Variants in SLC6A9 observed in about 807,000 individuals in gnomAD.
The protein encoded by SLC6A9 is sodium- and chloride-dependent glycine transporter 1.
In SLC6A9, 31 loss-of-function variants were observed where a neutral mutation model predicts 70.9. That is an observed-to-expected ratio of 0.44 (90% CI 0.33 to 0.59). The LOEUF is 0.59. Ranked by LOEUF, SLC6A9 falls within the 20% of genes least tolerant of loss-of-function variation. The pLI, the probability that SLC6A9 is intolerant of heterozygous loss-of-function variation, is 0.04. For missense variants in SLC6A9, 631 were observed against 845.2 expected, an observed-to-expected ratio of 0.75 and a Z score of 3.14; for synonymous variants, 310 against 341.3, an observed-to-expected ratio of 0.91 and a Z score of 1.01.
intron 5 of SLC6A9, among the ~76,000 whole-genome samples, chr1:44,006,802 T>C (rs2086335168): frequency 1.3e-5 from 2 of 152,138 alleles, no homozygotes; most frequent in Admixed American, 1.3e-4. Context: ...AGTGGCCCTG[T>C]CTTACCTGTC....
Position 44,010,835 on chromosome 1 carries a change from T to G in SLC6A9, c.78A>C (p.Lys26Asn). The change falls in exon 3 of 14, where the codon AAA becomes AAC. Residue 26 changes from lysine to asparagine, a missense_variant. Physicochemically the swap from Lys to Asn is moderately conservative, Grantham distance 94. Coordinates refer to ENST00000372310, the MANE Select transcript of SLC6A9 (RefSeq NM_001024845.3). ...SEATKRDQNLKRGNWGNQIEF... is the reference protein window; with the variant it reads ...SEATKRDQNLNRGNWGNQIEF... The stretch of plus-strand genomic sequence containing the variant: ...CGATCTGGTTGCCCCAGTTGCCCCG[T>G]TTGAGGTTCTGGTCCCTCTTGGTGG... 6.2e-7 allele frequency: 1 copy of G among 1,614,174 alleles called. No homozygotes were observed. The highest frequency in any genetic ancestry group is 8.5e-7 in the Non-Finnish European group (1 of 1,179,998).
At chr1:44,020,443 G>T (rs1300787720) in intron 2 of SLC6A9, among the ~76,000 whole-genome samples, 2 of 152,220 alleles carry the variant, frequency 1.3e-5, no homozygotes, top group African/African-American at 4.8e-5. Flanking sequence ...GCCCAGCTCT[G>T]AGCTGGGTGA....
intron 5 of SLC6A9, among the ~76,000 whole-genome samples, chr1:44,006,827 G>A (rs984551335): frequency 1.3e-5 from 2 of 152,170 alleles, no homozygotes; most frequent in Admixed American, 6.5e-5. Context: ...AGTGTCTACA[G>A]CCCAGCCCAG....
chr1:43,998,614 G>A (rs1295835170), intron 12 of SLC6A9, among the ~76,000 whole-genome samples: 5 of 152,158 alleles, frequency 3.3e-5, no homozygotes, highest in Non-Finnish European at 4.4e-5. Flanking sequence ...GAGTGACTTG[G>A]TTTAACGTTC....
rs188376799 is a variant in SLC6A9 at position 44,021,629 on chromosome 1, G to A, written c.30+2619C>T. 1.5e-4 allele frequency among the ~76,000 whole-genome samples: 23 copies of A among 152,342 alleles called. No individual in the cohort carries two copies. The East Asian group carries it at 4.4e-3, about 29-fold the overall frequency. ...CAAATAGAGCAGCAGAAGCCACGGA[G>A]AACTGGGATGGTCCAAGTGCATGGC... On this transcript the variant is annotated intron_variant, in intron 2 of 13. Coordinates refer to ENST00000372310, the MANE Select transcript of SLC6A9 (RefSeq NM_001024845.3).
chr1:44,009,321 G>A (rs148112158), intron 4 of SLC6A9, among the ~76,000 whole-genome samples: 7,492 of 151,528 alleles, frequency 0.049, 393 homozygotes, highest in African/African-American at 0.13. Flanking sequence ...CCGGGTTCAC[G>A]CCATTCTCCC....
intron 12 of SLC6A9, among the ~76,000 whole-genome samples, chr1:43,998,984 G>GGC (rs1034041020): frequency 1.8e-4 from 27 of 150,178 alleles, no homozygotes; most frequent in South Asian, 4.2e-4. Flanking sequence ...GCGGGGGAAG[G>GGC]GGGGGGGCAG....
In SLC6A9 at chr1:43,997,051, G is replaced by C. The variant is rs2085889376; in HGVS notation, c.*494C>G. 6.2e-6 allele frequency: 1 copy of C among 160,490 alleles called. No homozygotes were observed. Among genetic ancestry groups the C allele is most frequent in the African/African-American group, 2.4e-5 (1 of 41,518 alleles). The allele number at this position is 160,490 out of a possible 1,614,324, so 9.9% of individuals were successfully genotyped here. On this transcript the variant is annotated 3_prime_UTR_variant, in exon 14 of 14. Transcript: ENST00000372310. This position sits in a 1 kb window ranked among gnomAD's most constrained non-coding sequence, Gnocchi z 4.4. ...CAATGTTTACAAAAATAATTACACA[G>C]ATAAACAGGGCTGGGCAGCACAGCC...
Position 44,001,501 on chromosome 1 carries a change from G to A in SLC6A9, c.1089C>T (p.Gly363=), listed in dbSNP as rs1350801841. Residue 363 remains glycine (G), a synonymous_variant, in exon 9 of 14, where the codon GGC becomes GGT. Coordinates refer to ENST00000372310, the MANE Select transcript of SLC6A9 (RefSeq NM_001024845.3). ...GGTAAGCCACGAAGGCCAGGCCAGG[G>A]CCGTGGTCTGCCACACGGGACACAT... The part of the protein sequence containing the change: ...GVDVSRVADH[G]PGLAFVAYPE... 3 of 1,614,234 alleles carry A rather than the reference G, an allele frequency of 1.9e-6. No individual in the cohort carries two copies. The highest frequency in any genetic ancestry group is 1.1e-5 in the South Asian group (1 of 91,082).
intron 2 of SLC6A9, among the ~76,000 whole-genome samples, chr1:44,015,076 A>G (rs2086694808): frequency 6.6e-6 from 1 of 152,208 alleles, no homozygotes; most frequent in Non-Finnish European, 1.5e-5. Flanking sequence ...TAGATTACTA[A>G]AAACAATTTT....
intron 2 of SLC6A9, chr1:44,011,762 G>A (rs201439290): frequency 3.9e-5 from 62 of 1,598,782 alleles, no homozygotes; most frequent in Middle Eastern, 1.7e-4. Context: ...AGGCAGATGC[G>A]GGGATTTGCC....
At chr1:44,006,801 G>A (rs1250713079) in intron 5 of SLC6A9, among the ~76,000 whole-genome samples, 2 of 152,202 alleles carry the variant, frequency 1.3e-5, no homozygotes, top group African/African-American at 4.8e-5. Context: ...TAGTGGCCCT[G>A]TCTTACCTGT....
At position 44,000,509 on chromosome 1, in the gene SLC6A9, A is replaced by G. The variant is rs117233037; in HGVS notation, c.1536+258T>C. Reference sequence around the variant, plus strand: ...TGAGTCCCCGGGGGTGCCAGGCAGGAATGCCTGAGCAACGTCTGCAGTCAA... The same window carrying G: ...TGAGTCCCCGGGGGTGCCAGGCAGGGATGCCTGAGCAACGTCTGCAGTCAA... On this transcript the variant is annotated intron_variant, in intron 12 of 13. Coordinates refer to ENST00000372310, the MANE Select transcript of SLC6A9 (RefSeq NM_001024845.3). 2.6e-5 allele frequency among the ~76,000 whole-genome samples: 4 copies of G among 152,346 alleles called. No individual in the cohort carries two copies. The East Asian group carries it at 7.7e-4, about 29-fold the overall frequency.
At chr1:44,010,373 A>AT in intron 3 of SLC6A9, 1 of 432,236 alleles carries the variant, frequency 2.3e-6, no homozygotes, top group Non-Finnish European at 4.2e-6. Flanking sequence ...TTTCACAAGC[A>AT]TAAGTTGCTG....
chr1:44,024,954 G>A (rs756104502), intron 1 of SLC6A9, among the ~76,000 whole-genome samples: 85 of 152,276 alleles, frequency 5.6e-4, no homozygotes, highest in Non-Finnish European at 1.0e-3. Flanking sequence ...GCACTGCACC[G>A]GGCTAAATGT....
At chr1:44,003,535 T>A (rs557115687) in intron 5 of SLC6A9, among the ~76,000 whole-genome samples, 28 of 152,154 alleles carry the variant, frequency 1.8e-4, no homozygotes, top group African/African-American at 6.7e-4. Flanking sequence ...GGTGGGTGGA[T>A]CACCTGAAGT....
chr1:44,017,139 C>T (rs771588394), intron 2 of SLC6A9: 21 of 1,607,938 alleles, frequency 1.3e-5, no homozygotes, highest in Non-Finnish European at 1.8e-5. Context: ...CTCATTCACA[C>T]CTCTGCCAGC....
chr1:44,000,092 C>T (rs2086035222), intron 12 of SLC6A9, among the ~76,000 whole-genome samples: 1 of 152,206 alleles, frequency 6.6e-6, no homozygotes, highest in Admixed American at 6.5e-5. Flanking sequence ...ATCCCCATGC[C>T]TCAGTTTCCT....
At chr1:44,017,740 C>T (rs2086798557) in intron 2 of SLC6A9, among the ~76,000 whole-genome samples, 1 of 152,254 alleles carries the variant, frequency 6.6e-6, no homozygotes, top group Non-Finnish European at 1.5e-5. Flanking sequence ...TAGGAGAATG[C>T]AACTGACCAT....
Sources: allele counts gnomAD v4.1 joint callset (sites outside exome capture counted in the v4.1 genomes callset), GRCh38; gene constraint gnomAD v4.1.1; non-coding constraint Gnocchi (gnomAD v3.1); transcripts MANE v1.5; gene names NCBI Gene and HGNC (gene_info 2026-07-23, HGNC 2026-07-21).